The following LDAH variants were observed in gnomAD, a reference collection of about 807,000 sequenced individuals.
LDAH encodes lipid droplet-associated hydrolase.
In LDAH, 26 loss-of-function variants were observed where a neutral mutation model predicts 29.6. The ratio of observed to expected loss-of-function variants is 0.88; its 90% CI spans 0.64 to 1.22. The LOEUF (loss-of-function observed/expected upper bound fraction) is 1.22, where lower values mean the gene tolerates loss of function less well. LDAH is among the 50% of genes most tolerant of loss of function. The pLI is 0.00. For synonymous variants in LDAH, 117 were observed against 133.0 expected (o/e 0.88, Z 0.83); for missense variants, 344 against 387.3 (o/e 0.89, Z 0.94).
At chr2:20,772,264 AT>A (rs1402424726) in intron 4 of LDAH, among the ~76,000 whole-genome samples, 1 of 152,214 alleles carries the variant, frequency 6.6e-6, no homozygotes, top group African/African-American at 2.4e-5. Context: ...CAAAATGAAT[AT>A]TTTCTTTCCT....
intron 4 of LDAH, among the ~76,000 whole-genome samples, chr2:20,756,252 C>A (rs1323804554): frequency 6.6e-6 from 1 of 152,058 alleles, no homozygotes; most frequent in South Asian, 2.1e-4. Context: ...TCAGGCTGGT[C>A]TCGAACTCCT....
At chr2:20,751,791 T>C (rs570375517) in intron 4 of LDAH, among the ~76,000 whole-genome samples, 4 of 152,290 alleles carry the variant, frequency 2.6e-5, no homozygotes, top group South Asian at 4.2e-4. Context: ...TCAGACGAAA[T>C]TGTAATTTGC....
intron 1 of LDAH, among the ~76,000 whole-genome samples, chr2:20,820,246 T>G (rs1098153): frequency 1.3e-5 from 2 of 151,528 alleles, no homozygotes; most frequent in Admixed American, 1.3e-4. Context: ...ACTTTCTTCA[T>G]GGAATTGGAA....
intron 5 of LDAH, among the ~76,000 whole-genome samples, chr2:20,727,261 T>C (rs1453667991): frequency 6.6e-6 from 1 of 152,160 alleles, no homozygotes; most frequent in Non-Finnish European, 1.5e-5. Context: ...AAACATATTT[T>C]CATAAGCTGC....
intron 2 of LDAH, among the ~76,000 whole-genome samples, chr2:20,796,657 A>G (rs1265666335): frequency 6.6e-6 from 1 of 152,212 alleles, no homozygotes; most frequent in Non-Finnish European, 1.5e-5. Flanking sequence ...AGATATGCGT[A>G]TCACAGTTCC....
chr2:20,730,942 G>A (rs1272742253), intron 5 of LDAH, among the ~76,000 whole-genome samples: 1 of 152,052 alleles, frequency 6.6e-6, no homozygotes, highest in Non-Finnish European at 1.5e-5. Context: ...TTTGATTACT[G>A]TAGCTACATA....
intron 4 of LDAH, among the ~76,000 whole-genome samples, chr2:20,752,987 A>G (rs1333789823): frequency 3.9e-5 from 6 of 152,170 alleles, no homozygotes; most frequent in African/African-American, 1.2e-4. Flanking sequence ...CAACAACAAC[A>G]ACAACAACAA....
At chr2:20,803,678 G>A (rs1447530895) in intron 1 of LDAH, among the ~76,000 whole-genome samples, 1 of 152,100 alleles carries the variant, frequency 6.6e-6, no homozygotes, top group East Asian at 1.9e-4. Context: ...TTGTGCACCA[G>A]CGTTGGCTCA....
intron 5 of LDAH, among the ~76,000 whole-genome samples, chr2:20,714,435 A>T (rs1048811885): frequency 4.6e-5 from 7 of 152,362 alleles, no homozygotes; most frequent in East Asian, 1.9e-4. Context: ...AGCAGGAAAG[A>T]TCTAAAATCA....
At position 20,818,829 on chromosome 2, in the gene LDAH, G is replaced by A. The variant is rs933066658; in HGVS notation, c.-3+4208C>T. ...AAACAAACTGCAAAATACTGTAGGA[G>A]AAAGTCCAAGTGGTAATGAGTGTAT... On this transcript the variant is annotated intron_variant, in intron 1 of 6. Coordinates refer to ENST00000237822, the MANE Select transcript of LDAH (RefSeq NM_021925.4). Among the ~76,000 whole-genome samples the A allele has an allele frequency of 3.3e-5, 5 of 152,130 alleles. No homozygotes were observed. The South Asian group carries it at 1.0e-3, about 31-fold the overall frequency.
chr2:20,765,407 G>C (rs575675892), intron 4 of LDAH, among the ~76,000 whole-genome samples: 1 of 152,078 alleles, frequency 6.6e-6, no homozygotes, highest in South Asian at 2.1e-4. Context: ...GTCTGTCTTC[G>C]AGGACACCAA....
chr2:20,761,253 G>A (rs1280234218), intron 4 of LDAH, among the ~76,000 whole-genome samples: 2 of 151,994 alleles, frequency 1.3e-5, no homozygotes, highest in Non-Finnish European at 2.9e-5. Context: ...AGAAGCTGCT[G>A]ATGTAACTTT....
intron 5 of LDAH, among the ~76,000 whole-genome samples, chr2:20,726,817 G>A (rs1196273519): frequency 6.6e-6 from 1 of 152,150 alleles, no homozygotes; most frequent in Admixed American, 6.5e-5. Flanking sequence ...GTTCACCAAA[G>A]TGAAAAACAA....
intron 4 of LDAH, among the ~76,000 whole-genome samples, chr2:20,763,604 G>A (rs556280328): frequency 1.3e-5 from 2 of 152,200 alleles, no homozygotes; most frequent in Non-Finnish European, 2.9e-5. Flanking sequence ...AAGAGGTAGT[G>A]ATAAAATGTG....
At chr2:20,773,445 C>T (rs1669569235) in intron 4 of LDAH, among the ~76,000 whole-genome samples, 1 of 152,046 alleles carries the variant, frequency 6.6e-6, no homozygotes, top group Admixed American at 6.5e-5. Flanking sequence ...CCACATGACA[C>T]AGTACTAGAG....
intron 1 of LDAH, among the ~76,000 whole-genome samples, chr2:20,822,375 C>G (rs1310505788): frequency 1.3e-5 from 2 of 152,102 alleles, no homozygotes; most frequent in Non-Finnish European, 2.9e-5. Flanking sequence ...GATCTCCTGA[C>G]CTCCTGATCC....
chr2:20,714,795 A>T (rs1394775803), intron 5 of LDAH, among the ~76,000 whole-genome samples: 1 of 152,248 alleles, frequency 6.6e-6, no homozygotes, highest in African/African-American at 2.4e-5. Flanking sequence ...AAATGGATAA[A>T]TTCCTGGACA....
At position 20,684,661 on chromosome 2, in the gene LDAH, A is replaced by C; in HGVS notation, c.*2242T>G. The C allele has an allele frequency of 2.3e-6, 1 of 434,224 alleles. No individual in the cohort carries two copies. The highest frequency in any genetic ancestry group is 4.0e-6 in the Non-Finnish European group (1 of 248,122). The allele number at this position is 434,224 out of a possible 1,614,324, so 26.9% of individuals were successfully genotyped here. On this transcript the variant is annotated 3_prime_UTR_variant, in exon 7 of 7. Coordinates refer to ENST00000237822, the MANE Select transcript of LDAH (RefSeq NM_021925.4). The stretch of plus-strand genomic sequence containing the variant: ...CCTTGGTGGCCATGGACATCAGGCC[A>C]CACAAGCCACAGAGGGCTTGTGGAG...
At chr2:20,691,587 A>G (rs1447689747) in intron 6 of LDAH, among the ~76,000 whole-genome samples, 1 of 152,244 alleles carries the variant, frequency 6.6e-6, no homozygotes, top group Non-Finnish European at 1.5e-5. Context: ...GTTAACAAAG[A>G]ATCGCAGGCA....
Sources: allele counts gnomAD v4.1 joint callset (sites outside exome capture counted in the v4.1 genomes callset), GRCh38; gene constraint gnomAD v4.1.1; transcripts MANE v1.5; gene names NCBI Gene and HGNC (gene_info 2026-07-23, HGNC 2026-07-21).